CUX2: variants seen among roughly 807,000 people sequenced by gnomAD.
CUX2 encodes the protein homeobox protein cut-like 2.
Under a neutral mutation model 144.8 loss-of-function variants are expected in CUX2, and 40 were observed. The ratio of observed to expected loss-of-function variants is 0.28; its 90% CI spans 0.21 to 0.36. CUX2 has a LOEUF of 0.36. CUX2 is among the 10% of genes least tolerant of loss of function. The probability of loss-of-function intolerance (pLI) is 1.00; values close to 1 mark genes in which losing one functional copy is unlikely to be tolerated. For synonymous variants in CUX2, 827 were observed against 875.6 expected (o/e 0.94, Z 0.98); for missense variants, 1,615 against 1,994.0 (o/e 0.81, Z 3.62).
chr12:111,348,393 C>A lies in CUX2; in HGVS notation c.*68C>A. ...TCCTTCTCGCACTTACTCTCCTCAA[C>A]AGGATGGGGTAAGGGAGGGAGGAAC... is the stretch of plus-strand genomic sequence containing the variant. On this transcript the variant is annotated 3_prime_UTR_variant, in exon 22 of 22. Transcript: ENST00000261726. 1 of 1,415,184 alleles carries A rather than the reference C, an allele frequency of 7.1e-7. No individual in the cohort carries two copies. Among genetic ancestry groups the A allele is most frequent in the South Asian group, 1.3e-5 (1 of 78,728 alleles). 87.7% of individuals were successfully genotyped at this position (1,415,184 alleles called of 1,614,324 possible).
At chr12:111,224,362 T>G (rs2136236159) in intron 3 of CUX2, among the ~76,000 whole-genome samples, 1 of 151,972 alleles carries the variant, frequency 6.6e-6, no homozygotes, top group East Asian at 1.9e-4. Context: ...ACAGTTGAGA[T>G]CACCCAAGAT....
rs1363509497 is a variant in CUX2, at chr12:111,310,732, G to A, written c.1900+50G>A. 1.3e-6 allele frequency: 2 copies of A among 1,537,520 alleles called. No individual in the cohort carries two copies. Among genetic ancestry groups the A allele is most frequent in the Non-Finnish European group, 1.8e-6 (2 of 1,139,840 alleles). Reference sequence around the variant, plus strand: ...CCGCTGGCCACCACGCCAGGTCCAGGGCATCAGGGCTGGGGGCTGAGGACA... The same window carrying A: ...CCGCTGGCCACCACGCCAGGTCCAGAGCATCAGGGCTGGGGGCTGAGGACA... On this transcript the variant is annotated intron_variant, in intron 15 of 21. Coordinates refer to ENST00000261726, the MANE Select transcript of CUX2 (RefSeq NM_015267.4). The surrounding 1 kb of genome is among the most constrained non-coding windows in gnomAD (Gnocchi z 7.9).
At position 111,322,712 on chromosome 12, in the gene CUX2, C is replaced by T; in HGVS notation, c.2926+132C>T. 2.6e-6 allele frequency: 3 copies of T among 1,165,238 alleles called. No homozygotes were observed. Among genetic ancestry groups the T allele is most frequent in the Non-Finnish European group, 3.6e-6 (3 of 828,148 alleles). 72.2% of individuals were successfully genotyped at this position (1,165,238 alleles called of 1,614,324 possible). A position where few individuals can be genotyped will look rare whatever the true frequency, so the allele number is the denominator to read the frequency against. On this transcript the variant is annotated intron_variant, in intron 18 of 21. Transcript: ENST00000261726. This position sits in a 1 kb window ranked among gnomAD's most constrained non-coding sequence, Gnocchi z 4.2. ...GCTGCCCTGGCTTTCATCCCAGTCA[C>T]TGTCATGGCTGCACTGGAACATGGC...
In CUX2 at chr12:111,186,141, G is replaced by T. The variant is rs183052136; in HGVS notation, c.64-28059G>T. Among the ~76,000 whole-genome samples, 1 of 151,078 alleles carries T rather than the reference G, an allele frequency of 6.6e-6. No homozygotes were observed. Among genetic ancestry groups the T allele is most frequent in the African/African-American group, 2.4e-5 (1 of 41,044 alleles). On this transcript the variant is annotated intron_variant, in intron 1 of 21. Coordinates refer to ENST00000261726, the MANE Select transcript of CUX2 (RefSeq NM_015267.4). This position sits in a 1 kb window ranked among gnomAD's most constrained non-coding sequence, Gnocchi z 4.4. ...AGATTTCGCTTTCACGTCCTCTCTC[G>T]GCATTTCTCCTCTTTCCCACTCTCG... is the stretch of plus-strand genomic sequence containing the variant.
intron 1 of CUX2, among the ~76,000 whole-genome samples, chr12:111,115,410 G>A (rs118063774): frequency 0.021 from 3,084 of 150,136 alleles, 45 homozygotes; most frequent in Non-Finnish European, 0.032. Context: ...CTCAGGCTCC[G>A]GAGTAGCTGG....
chr12:111,115,279 CTTTTTTTT>C (rs869307048), intron 1 of CUX2, among the ~76,000 whole-genome samples: 6 of 88,760 alleles, frequency 6.8e-5, no homozygotes, highest in African/African-American at 2.5e-4. Flanking sequence ...AATAAAATTT[CTTTTTTTT>C]TTTTTTTTTT....
chr12:111,214,069 CT>C, intron 1 of CUX2, 130 bp from the exon 2 acceptor site: 1 of 453,350 alleles, frequency 2.2e-6, no homozygotes, highest in African/African-American at 2.1e-5. Flanking sequence ...AATATCCTGT[CT>C]TTTCTCAGCT....
At chr12:111,118,577 G>A (rs1045439357) in intron 1 of CUX2, among the ~76,000 whole-genome samples, 1 of 152,010 alleles carries the variant, frequency 6.6e-6, no homozygotes, top group African/African-American at 2.4e-5. Flanking sequence ...TGTACCATTC[G>A]CCTCCACCAT....
chr12:111,269,023 C>T (rs563645223), intron 4 of CUX2, among the ~76,000 whole-genome samples: 4 of 152,296 alleles, frequency 2.6e-5, no homozygotes, highest in African/African-American at 7.2e-5. Flanking sequence ...TCACTTACTG[C>T]GTGACTGCAG....
At chr12:111,230,427 C>T (rs753722694) in intron 3 of CUX2, among the ~76,000 whole-genome samples, 6 of 152,134 alleles carry the variant, frequency 3.9e-5, no homozygotes, top group Non-Finnish European at 7.4e-5. Context: ...GTGCAGTCTC[C>T]ATCCCCCACC....
chr12:111,110,994 A>G (rs1261047954), intron 1 of CUX2, among the ~76,000 whole-genome samples: 1 of 152,208 alleles, frequency 6.6e-6, no homozygotes, highest in Non-Finnish European at 1.5e-5. Flanking sequence ...CCAGAGAAAC[A>G]TCATTAGTTC....
intron 1 of CUX2, among the ~76,000 whole-genome samples, chr12:111,202,099 G>T (rs1231667085): frequency 6.6e-6 from 1 of 152,220 alleles, no homozygotes; most frequent in East Asian, 1.9e-4. Context: ...GCATGTAGTA[G>T]GTGCTCAGTA....
intron 3 of CUX2, among the ~76,000 whole-genome samples, chr12:111,258,147 G>T (rs565275378): frequency 6.6e-6 from 1 of 152,298 alleles, no homozygotes; most frequent in East Asian, 1.9e-4. Flanking sequence ...CTTCCCACTT[G>T]ATGCACGGAC....
chr12:111,267,372 T>C (rs564740287), intron 4 of CUX2, among the ~76,000 whole-genome samples: 24 of 152,246 alleles, frequency 1.6e-4, no homozygotes, highest in Admixed American at 1.4e-3. Flanking sequence ...GTTGCCTTTG[T>C]TCTGTGCTCT....
intron 1 of CUX2, among the ~76,000 whole-genome samples, chr12:111,158,664 G>A (rs906078822): frequency 2.0e-5 from 3 of 151,924 alleles, no homozygotes; most frequent in South Asian, 2.1e-4. Context: ...TGTTTTACAC[G>A]ATTTAAAACA....
At chr12:111,175,529 G>A (rs569235800) in intron 1 of CUX2, among the ~76,000 whole-genome samples, 9 of 152,236 alleles carry the variant, frequency 5.9e-5, no homozygotes, top group African/African-American at 2.2e-4. Context: ...ATGCCTTTGA[G>A]TGGCCTCTCT....
intron 21 of CUX2, among the ~76,000 whole-genome samples, chr12:111,347,264 G>A (rs927923021): frequency 3.3e-5 from 5 of 152,234 alleles, no homozygotes; most frequent in African/African-American, 7.2e-5. Context: ...TTCAAGTCTC[G>A]GTTCTGCCAC....
chr12:111,182,182 C>G (rs551079113), intron 1 of CUX2, among the ~76,000 whole-genome samples: 11 of 152,318 alleles, frequency 7.2e-5, no homozygotes, highest in African/African-American at 2.2e-4. Context: ...CCGTTCCCTT[C>G]CACATAGAGC....
At chr12:111,245,463 CT>C (rs1301995124) in intron 3 of CUX2, among the ~76,000 whole-genome samples, 1 of 151,546 alleles carries the variant, frequency 6.6e-6, no homozygotes, top group East Asian at 1.9e-4. Flanking sequence ...CACAATTTTT[CT>C]TTTTTTAATA....
Sources: gnomAD v4.1 joint callset for allele counts (sites outside exome capture counted in the v4.1 genomes callset) on GRCh38, gnomAD v4.1.1 for gene constraint, Gnocchi (gnomAD v3.1) non-coding constraint, MANE v1.5 for transcripts, NCBI Gene and HGNC (gene_info 2026-07-23, HGNC 2026-07-21) for gene names.